ZNF148: variants seen among roughly 807,000 people sequenced by gnomAD.
ZNF148 encodes the protein Beta-Enolase Repressor Factor-1.
Under a neutral mutation model 67.7 loss-of-function variants are expected in ZNF148, and 7 were observed. The ratio of observed to expected loss-of-function variants is 0.10; its 90% CI spans 0.06 to 0.19. The LOEUF (loss-of-function observed/expected upper bound fraction) is 0.19, where lower values mean the gene tolerates loss of function less well. ZNF148 is among the 10% of genes least tolerant of loss of function. ZNF148 has a pLI of 1.00. For missense variants in ZNF148, 583 were observed against 947.1 expected (o/e 0.62, Z 5.05); for synonymous variants, 333 against 330.7 (o/e 1.01, Z -0.08).
chr3:125,290,861 C>T (rs1015010276), intron 4 of ZNF148, among the ~76,000 whole-genome samples: 2 of 152,092 alleles, frequency 1.3e-5, no homozygotes, highest in Non-Finnish European at 2.9e-5. Flanking sequence ...ATAAAGACAA[C>T]GTGAAATAAC....
At chr3:125,351,928 T>C (rs1286745902) in intron 1 of ZNF148, among the ~76,000 whole-genome samples, 1 of 152,206 alleles carries the variant, frequency 6.6e-6, no homozygotes, top group Non-Finnish European at 1.5e-5. Context: ...GGAACCCTCA[T>C]ATACTGCTGA....
At chr3:125,317,662 T>TAAAGAGAGAGAGAGAGAGAG (rs752542874) in intron 3 of ZNF148, among the ~76,000 whole-genome samples, 1 of 90,024 alleles carries the variant, frequency 1.1e-5, no homozygotes, top group African/African-American at 4.5e-5. Context: ...TATATATATA[T>TAAAGAGAGAGAGAGAGAGAG]AGAGAGAGAG....
In ZNF148 at chr3:125,232,342, TAGCCAAAAG is replaced by T; in HGVS notation, c.2375_2383del (p.Thr792_Ter795delinsLys). The T allele has an allele frequency of 1.9e-6, 3 of 1,545,716 alleles. No individual in the cohort carries two copies. The highest frequency in any genetic ancestry group is 1.5e-5 in the African/African-American group (1 of 67,904). On this transcript the variant is annotated stop_lost and inframe_deletion, in exon 9 of 9. Transcript: ENST00000360647. This position sits in a 1 kb window ranked among gnomAD's most constrained non-coding sequence, Gnocchi z 4.2. Reference sequence around the variant, plus strand: ...ATTATTTACACTTTTTTTTTTTTTTTAGCCAAAAGTCTGGCCAGTTGTGGCATCAGGTGA... The same window carrying T: ...ATTATTTACACTTTTTTTTTTTTTTTTCTGGCCAGTTGTGGCATCAGGTGA...
At chr3:125,362,404 C>T (rs184730728) in intron 1 of ZNF148, among the ~76,000 whole-genome samples, 7 of 152,118 alleles carry the variant, frequency 4.6e-5, no homozygotes, top group Non-Finnish European at 7.4e-5. Flanking sequence ...GTATTTATTG[C>T]TTCCATATTC....
intron 7 of ZNF148, among the ~76,000 whole-genome samples, chr3:125,244,134 T>G (rs918602492): frequency 6.6e-6 from 1 of 152,170 alleles, no homozygotes; most frequent in Non-Finnish European, 1.5e-5. Flanking sequence ...AATTTTCCCC[T>G]ACCCAAGGGC....
At chr3:125,365,722 G>C (rs1003965341) in intron 1 of ZNF148, among the ~76,000 whole-genome samples, 4 of 152,152 alleles carry the variant, frequency 2.6e-5, no homozygotes, top group African/African-American at 9.7e-5. Context: ...GAAGGCTGAG[G>C]CAAGAGGATC....
intron 7 of ZNF148, among the ~76,000 whole-genome samples, chr3:125,256,672 T>G (rs1241259406): frequency 6.6e-6 from 1 of 152,034 alleles, no homozygotes; most frequent in Non-Finnish European, 1.5e-5. Context: ...TGAGACTCCA[T>G]CTCAAAAAAA....
rs1422478684 is a variant in ZNF148 at position 125,228,515 on chromosome 3, T to G, written c.*3826A>C. The G allele has an allele frequency of 6.6e-6, 1 of 152,628 alleles. No individual in the cohort carries two copies. Among genetic ancestry groups the G allele is most frequent in the Non-Finnish European group, 1.5e-5 (1 of 68,020 alleles). 9.5% of individuals were successfully genotyped at this position (152,628 alleles called of 1,614,324 possible). On this transcript the variant is annotated 3_prime_UTR_variant, in exon 9 of 9. Coordinates refer to ENST00000360647, the MANE Select transcript of ZNF148 (RefSeq NM_021964.3). ...AACTTTCCTGATGCTACTTGTAAAGTTAGCACTGCTATGTATTATTGCTTA... is the reference window on the plus strand; with the variant it reads ...AACTTTCCTGATGCTACTTGTAAAGGTAGCACTGCTATGTATTATTGCTTA...
intron 7 of ZNF148, among the ~76,000 whole-genome samples, chr3:125,273,914 AG>A (rs1239079638): frequency 1.3e-5 from 2 of 152,260 alleles, no homozygotes; most frequent in Admixed American, 6.5e-5. Flanking sequence ...ACATCAGGAT[AG>A]GTATTCTGTG....
At position 125,322,814 on chromosome 3, in the gene ZNF148, A is replaced by G. The variant is rs530601542; in HGVS notation, c.-17+495T>C. Among the ~76,000 whole-genome samples, 12 of 152,338 alleles carry G rather than the reference A, an allele frequency of 7.9e-5. No homozygotes were observed. In the East Asian group the frequency reaches 1.3e-3, roughly 17 times the overall value. ...AACTTAAGTGATTACTGAATTATCT[A>G]TAAGACTGCTTCCTTATATTAGTGC... On this transcript the variant is annotated intron_variant, in intron 3 of 8. Coordinates refer to ENST00000360647, the MANE Select transcript of ZNF148 (RefSeq NM_021964.3).
chr3:125,232,754 T>C lies in ZNF148; in HGVS notation c.1972A>G (p.Ser658Gly). The change falls in exon 9 of 9, where the codon AGC (serine) becomes GGC (glycine). Residue 658 changes from serine (S) to glycine (G), a missense_variant. Around this residue, in one of 5 missense-constraint regions of ZNF148, gnomAD observed 158 missense variants for 208.4 expected, o/e 0.76. Coordinates refer to ENST00000360647, the MANE Select transcript of ZNF148 (RefSeq NM_021964.3). The surrounding 1 kb of genome is among the most constrained non-coding windows in gnomAD (Gnocchi z 4.2). ...KQVYATMPIN[S>G]FRSGMNSPLR... ...GGAGAATTCATTCCTGATCGAAAGCTATTGATGGGCATGGTGGCATAGACC... is the reference window on the plus strand; with the variant it reads ...GGAGAATTCATTCCTGATCGAAAGCCATTGATGGGCATGGTGGCATAGACC... 1 of 1,613,870 alleles carries C rather than the reference T, an allele frequency of 6.2e-7. No homozygotes were observed. The highest frequency in any genetic ancestry group is 1.1e-5 in the South Asian group (1 of 91,084).
chr3:125,287,286 T>C (rs1395533857), intron 5 of ZNF148, among the ~76,000 whole-genome samples: 2 of 152,104 alleles, frequency 1.3e-5, no homozygotes, highest in African/African-American at 2.4e-5. Flanking sequence ...TGCAGAGAGT[T>C]CAGAGAATTT....
At chr3:125,275,982 A>C (rs921207663) in intron 7 of ZNF148, among the ~76,000 whole-genome samples, 45 of 152,326 alleles carry the variant, frequency 3.0e-4, no homozygotes, top group African/African-American at 1.1e-3. Context: ...ATAAAATTCT[A>C]CAACACTTAA....
At position 125,226,872 on chromosome 3, in the gene ZNF148, TTTTTA is replaced by T. The variant is rs1191272114; in HGVS notation, c.*5464_*5468del. On this transcript the variant is annotated 3_prime_UTR_variant, in exon 9 of 9. Coordinates refer to ENST00000360647, the MANE Select transcript of ZNF148 (RefSeq NM_021964.3). ...TATATTTAAAAATATCACAAATCTCTTTTTATTTAACACTGAAAATTTCAATGTGA... is the reference window on the plus strand; with the variant it reads ...TATATTTAAAAATATCACAAATCTCTTTTAACACTGAAAATTTCAATGTGA... 1 of 152,170 alleles carries T rather than the reference TTTTTA, an allele frequency of 6.6e-6. No homozygotes were observed. The highest frequency in any genetic ancestry group is 2.4e-5 in the African/African-American group (1 of 41,438). 9.4% of individuals were successfully genotyped at this position (152,170 alleles called of 1,614,324 possible).
In ZNF148 at chr3:125,305,405, T is replaced by A. The variant is rs141890362; in HGVS notation, c.333+7903A>T. 2.1e-4 allele frequency among the ~76,000 whole-genome samples: 32 copies of A among 152,314 alleles called. No homozygotes were observed. In the East Asian group the frequency reaches 5.8e-3, roughly 28 times the overall value. ...AAGAACATGACAATTAAATTCAACA[T>A]GTAATTTTGAACTGAGTCTTTTGGC... On this transcript the variant is annotated intron_variant, in intron 4 of 8. Transcript: ENST00000360647.
chr3:125,345,112 T>C (rs1375175365), intron 1 of ZNF148, among the ~76,000 whole-genome samples: 1 of 152,088 alleles, frequency 6.6e-6, no homozygotes, highest in Non-Finnish European at 1.5e-5. Context: ...AACAGCAGAA[T>C]ACACATTTTT....
rs1560094775 is a variant in ZNF148, at chr3:125,226,886, T to G, written c.*5455A>C. Reference sequence around the variant, plus strand: ...TCACAAATCTCTTTTTATTTAACACTGAAAATTTCAATGTGATAAGTTTCA... The same window carrying G: ...TCACAAATCTCTTTTTATTTAACACGGAAAATTTCAATGTGATAAGTTTCA... On this transcript the variant is annotated 3_prime_UTR_variant, in exon 9 of 9. Coordinates refer to ENST00000360647, the MANE Select transcript of ZNF148 (RefSeq NM_021964.3). The G allele has an allele frequency of 6.6e-6, 1 of 152,180 alleles. No homozygotes were observed. The highest frequency in any genetic ancestry group is 1.5e-5 in the Non-Finnish European group (1 of 68,010). The allele number at this position is 152,180 out of a possible 1,614,324, so 9.4% of individuals were successfully genotyped here.
intron 4 of ZNF148, among the ~76,000 whole-genome samples, chr3:125,295,813 A>C (rs1939252750): frequency 6.6e-6 from 1 of 152,166 alleles, no homozygotes. Context: ...TATCATAATA[A>C]ACTCATCTGT....
chr3:125,364,325 G>A lies in ZNF148; in HGVS notation c.-234+10777C>T, dbSNP rs1463374285. On this transcript the variant is annotated intron_variant, in intron 1 of 8. Transcript: ENST00000360647. ...AAGGTAGGAGAATAGCTTGAACCCA[G>A]AAGGCGGAGGTTGCAGTGAGCAGAC... Among the ~76,000 whole-genome samples the A allele has an allele frequency of 2.6e-5, 4 of 152,294 alleles. No individual in the cohort carries two copies. The East Asian group carries it at 7.7e-4, about 29-fold the overall frequency.
Sources: allele counts gnomAD v4.1 joint callset (sites outside exome capture counted in the v4.1 genomes callset), GRCh38; gene constraint gnomAD v4.1.1; regional missense constraint gnomAD v4.1.1; non-coding constraint Gnocchi (gnomAD v3.1); transcripts MANE v1.5; gene names NCBI Gene and HGNC (gene_info 2026-07-23, HGNC 2026-07-21).